The following SLC9A8 variants were observed in gnomAD, a reference collection of about 807,000 sequenced individuals.
SLC9A8 encodes solute carrier family 9 member A8.
Under a neutral mutation model 66.6 loss-of-function variants are expected in SLC9A8, and 48 were observed. The ratio of observed to expected loss-of-function variants is 0.72; its 90% CI spans 0.57 to 0.92. The LOEUF is 0.92. SLC9A8 is among the 40% of genes least tolerant of loss of function. The pLI is 0.00. For synonymous variants in SLC9A8, 274 were observed against 282.6 expected (o/e 0.97, Z 0.31); for missense variants, 599 against 747.3 (o/e 0.80, Z 2.31).
rs570348955 is a variant in SLC9A8 at position 49,831,365 on chromosome 20, CGAG to C, written c.290-8171_290-8169del. On this transcript the variant is annotated intron_variant, in intron 3 of 15. Coordinates refer to ENST00000361573, the MANE Select transcript of SLC9A8 (RefSeq NM_015266.3). The stretch of plus-strand genomic sequence containing the variant: ...GTGGCTGTGTGTGCACGCACACACA[CGAG>C]GAGGTGGCTGTGTACACACACAAAC... 7.2e-4 allele frequency among the ~76,000 whole-genome samples: 109 copies of C among 152,036 alleles called. 1 individual carries two copies. The South Asian group carries it at 0.017, about 24-fold the overall frequency.
chr20:49,820,070 C>T (rs1235190952), intron 2 of SLC9A8, among the ~76,000 whole-genome samples: 1 of 151,832 alleles, frequency 6.6e-6, no homozygotes, highest in African/African-American at 2.4e-5. Context: ...GTGGAATTGC[C>T]GAGTCAAACG....
intron 3 of SLC9A8, among the ~76,000 whole-genome samples, chr20:49,824,464 AC>A (rs2086847319): frequency 6.6e-6 from 1 of 152,228 alleles, no homozygotes. Flanking sequence ...GGCTCTAAGA[AC>A]TACTCCAAGG....
At chr20:49,842,823 C>T (rs1201561094) in intron 4 of SLC9A8, among the ~76,000 whole-genome samples, 1 of 152,168 alleles carries the variant, frequency 6.6e-6, no homozygotes, top group Non-Finnish European at 1.5e-5. Flanking sequence ...AGTGAGAAGT[C>T]AAGGTATCAA....
chr20:49,881,144 T>A, intron 13 of SLC9A8, 109 bp downstream of exon 13: 1 of 746,358 alleles, frequency 1.3e-6, no homozygotes, highest in South Asian at 1.5e-5. Flanking sequence ...CCACAAGTAA[T>A]CAATACTCCC....
Position 49,855,516 on chromosome 20 carries a change from C to T in SLC9A8, c.648C>T (p.Pro216=), listed in dbSNP as rs755166334. 25 of 1,614,044 alleles carry T rather than the reference C, an allele frequency of 1.5e-5. 1 individual carries two copies. The highest frequency in any genetic ancestry group is 3.3e-4 in the Middle Eastern group (2 of 6,084). Residue 216 remains proline, a synonymous_variant, in exon 8 of 16, where the codon CCC becomes CCT. Transcript: ENST00000361573. Reference sequence around the variant, plus strand: ...TTTTCAATGCACTTCATGTGGACCCCGTGCTCAACATGCTGGTCTTTGGAG... The same window carrying T: ...TTTTCAATGCACTTCATGTGGACCCTGTGCTCAACATGCTGGTCTTTGGAG... ...IAIFNALHVD[P]VLNMLVFGES...
chr20:49,834,416 TA>T (rs2087423271), intron 3 of SLC9A8, among the ~76,000 whole-genome samples: 1 of 47,562 alleles, frequency 2.1e-5, no homozygotes, highest in African/African-American at 1.1e-4. Flanking sequence ...TATATATATA[TA>T]CTGTATATAT....
At chr20:49,874,260 C>A (rs1015042986) in intron 10 of SLC9A8, among the ~76,000 whole-genome samples, 1 of 151,734 alleles carries the variant, frequency 6.6e-6, no homozygotes, top group Non-Finnish European at 1.5e-5. Flanking sequence ...CTCTGTCCCC[C>A]CCCCAAAAAA....
chr20:49,885,544 GA>G (rs961721834), intron 14 of SLC9A8, among the ~76,000 whole-genome samples: 1 of 152,198 alleles, frequency 6.6e-6, no homozygotes, highest in Non-Finnish European at 1.5e-5. Flanking sequence ...TCCAGGCTAA[GA>G]ATTTGCGTTT....
intron 3 of SLC9A8, among the ~76,000 whole-genome samples, chr20:49,836,303 T>C (rs1568817537): frequency 1.3e-5 from 2 of 152,232 alleles, no homozygotes; most frequent in East Asian, 1.9e-4. Context: ...ACATTTTGTT[T>C]ACTCACTCAT....
intron 7 of SLC9A8, among the ~76,000 whole-genome samples, chr20:49,851,136 G>A (rs138554121): frequency 2.0e-5 from 3 of 152,308 alleles, no homozygotes; most frequent in Admixed American, 1.3e-4. Flanking sequence ...GTGTGCACGC[G>A]TACACTGTAC....
rs374573991 is a variant in SLC9A8 at position 49,890,373 on chromosome 20, T to C, written c.*2437T>C. The C allele has an allele frequency of 2.0e-5, 3 of 152,326 alleles. No homozygotes were observed. Among genetic ancestry groups the C allele is most frequent in the African/African-American group, 7.2e-5 (3 of 41,568 alleles). The allele number at this position is 152,326 out of a possible 1,614,324, so 9.4% of individuals were successfully genotyped here. On this transcript the variant is annotated 3_prime_UTR_variant, in exon 16 of 16. Coordinates refer to ENST00000361573, the MANE Select transcript of SLC9A8 (RefSeq NM_015266.3). ...TGGGGCAGTGAATGCATAGAAGATATAAAAATACGCAGCTTAACTATATCT... is the reference window on the plus strand; with the variant it reads ...TGGGGCAGTGAATGCATAGAAGATACAAAAATACGCAGCTTAACTATATCT...
At chr20:49,855,221 C>T (rs1274599269) in intron 7 of SLC9A8, among the ~76,000 whole-genome samples, 2 of 152,214 alleles carry the variant, frequency 1.3e-5, no homozygotes, top group Non-Finnish European at 2.9e-5. Flanking sequence ...CACTAGAAAA[C>T]CAGGCCATTC....
chr20:49,827,665 G>C (rs1388568612), intron 3 of SLC9A8, among the ~76,000 whole-genome samples: 3 of 151,598 alleles, frequency 2.0e-5, no homozygotes, highest in Non-Finnish European at 4.4e-5. Flanking sequence ...AGCATCCTCT[G>C]TTGAATAATA....
At chr20:49,834,432 T>A (rs1237590479) in intron 3 of SLC9A8, among the ~76,000 whole-genome samples, 652 of 30,524 alleles carry the variant, frequency 0.021, 42 homozygotes, top group Non-Finnish European at 0.029. Flanking sequence ...ATATATATAC[T>A]GTATATATAT....
intron 3 of SLC9A8, chr20:49,830,633 A>C (rs1600664143): frequency 1.6e-6 from 1 of 622,638 alleles, no homozygotes; most frequent in East Asian, 2.8e-5. Context: ...TGGTGATCTT[A>C]GCAGCTGGAG....
At chr20:49,874,451 C>G (rs550614908) in intron 10 of SLC9A8, among the ~76,000 whole-genome samples, 14 of 152,154 alleles carry the variant, frequency 9.2e-5, no homozygotes, top group African/African-American at 3.4e-4. Context: ...ATTAGTCCCA[C>G]TGTACAGAAG....
At chr20:49,835,451 T>C (rs892906431) in intron 3 of SLC9A8, among the ~76,000 whole-genome samples, 2 of 152,140 alleles carry the variant, frequency 1.3e-5, no homozygotes, top group Non-Finnish European at 2.9e-5. Flanking sequence ...CTCTACCTAA[T>C]TCCAGAACAT....
At chr20:49,834,185 C>CTCTCTCTCTCTA (rs1475975068) in intron 3 of SLC9A8, among the ~76,000 whole-genome samples, 1 of 34,526 alleles carries the variant, frequency 2.9e-5, no homozygotes, top group Admixed American at 3.7e-4. Context: ...CTCTCTCTCT[C>CTCTCTCTCTCTA]TATATATATA....
Position 49,864,951 on chromosome 20 carries a change from C to T in SLC9A8, c.958+107C>T, listed in dbSNP as rs2088900471. ...TTTTAGTCACAAGAGACAGTCACAA[C>T]TCAGAAGAGCTTAAGTAATAAAGGA... On this transcript the variant is annotated intron_variant, in intron 10 of 15. Transcript: ENST00000361573. 6 of 728,806 alleles carry T rather than the reference C, an allele frequency of 8.2e-6. No individual in the cohort carries two copies. In the South Asian group the frequency reaches 9.1e-5, roughly 11 times the overall value. The allele number at this position is 728,806 out of a possible 1,614,324, so 45.1% of individuals were successfully genotyped here.
Sources: allele counts gnomAD v4.1 joint callset (sites outside exome capture counted in the v4.1 genomes callset), GRCh38; gene constraint gnomAD v4.1.1; transcripts MANE v1.5; gene names NCBI Gene and HGNC (gene_info 2026-07-23, HGNC 2026-07-21).